Variants in OOSP3 observed in about 807,000 individuals in gnomAD.
OOSP3 encodes oocyte secreted protein family member 3.
chr11:59,895,901 T>C (rs907361562), intron 4 of OOSP3, among the ~76,000 whole-genome samples: 1 of 152,080 alleles, frequency 6.6e-6, no homozygotes, highest in African/African-American at 2.4e-5. Flanking sequence ...TAAAAGAAAA[T>C]CTCTAGTATA....
At chr11:59,882,009 A>G (rs530326397) in intron 2 of OOSP3, among the ~76,000 whole-genome samples, 1 of 152,378 alleles carries the variant, frequency 6.6e-6, no homozygotes, top group South Asian at 2.1e-4. Context: ...CACATCTACA[A>G]AACTTACTTC....
At chr11:59,893,352 G>T (rs911351062) in intron 2 of OOSP3, among the ~76,000 whole-genome samples, 1 of 152,098 alleles carries the variant, frequency 6.6e-6, no homozygotes, top group Non-Finnish European at 1.5e-5. Flanking sequence ...GACCATAACT[G>T]TAGTGGCTTT....
chr11:59,893,920 T>G (rs914251868), intron 2 of OOSP3, among the ~76,000 whole-genome samples, 159 bp from the exon 3 acceptor site: 2 of 152,182 alleles, frequency 1.3e-5, no homozygotes, highest in Admixed American at 1.3e-4. Context: ...TTTTTTAAAA[T>G]TTTTCTGGTG....
intron 2 of OOSP3, among the ~76,000 whole-genome samples, chr11:59,881,084 A>G (rs1052242525): frequency 6.6e-6 from 1 of 152,172 alleles, no homozygotes; most frequent in African/African-American, 2.4e-5. Flanking sequence ...AGTTTTGGCC[A>G]GGCATGGTGG....
At chr11:59,891,524 C>T (rs1247158345) in intron 2 of OOSP3, among the ~76,000 whole-genome samples, 1 of 152,184 alleles carries the variant, frequency 6.6e-6, no homozygotes, top group Non-Finnish European at 1.5e-5. Flanking sequence ...TCAGAACCCG[C>T]TTCTGCAAGC....
intron 2 of OOSP3, among the ~76,000 whole-genome samples, chr11:59,890,370 G>A (rs139707396): frequency 0.02 from 2,970 of 152,178 alleles, 122 homozygotes; most frequent in African/African-American, 0.068. Flanking sequence ...GCTTCATAGT[G>A]TCATTGGTCT....
intron 2 of OOSP3, among the ~76,000 whole-genome samples, chr11:59,890,972 C>A (rs562817573): frequency 6.6e-6 from 1 of 152,248 alleles, no homozygotes; most frequent in East Asian, 1.9e-4. Flanking sequence ...TTGTTTATTT[C>A]TTTTCATTCT....
rs1853347420 is a variant in OOSP3 at position 59,895,499 on chromosome 11, C to T, written c.351-3C>T. On this transcript the variant is annotated splice_polypyrimidine_tract_variant and splice_region_variant and intron_variant, in intron 3 of 4. Coordinates refer to ENST00000646438, the Ensembl canonical transcript of OOSP3. ...CAAATTGTGTCTTCTTTAAAACTTT[C>T]AGCTCATCTTTGGATACCACTTCAA... 2.5e-6 allele frequency: 1 copy of T among 398,142 alleles called. No individual in the cohort carries two copies. The highest frequency in any genetic ancestry group is 2.1e-5 in the African/African-American group (1 of 48,612). The allele number at this position is 398,142 out of a possible 1,614,324, so 24.7% of individuals were successfully genotyped here. A position where few individuals can be genotyped will look rare whatever the true frequency, so the allele number is the denominator to read the frequency against.
chr11:59,884,471 GTCTGTCTCTCTCTCTCTCTC>G (rs1667894007), intron 2 of OOSP3, among the ~76,000 whole-genome samples: 6 of 100,128 alleles, frequency 6.0e-5, no homozygotes, highest in African/African-American at 3.3e-4. Flanking sequence ...CTGTCTGTCT[GTCTGTCTCTCTCTCTCTCTC>G]TCTCTCTCTC....
chr11:59,882,268 T>A (rs1031914599), intron 2 of OOSP3, among the ~76,000 whole-genome samples: 1 of 152,040 alleles, frequency 6.6e-6, no homozygotes, highest in Non-Finnish European at 1.5e-5. Flanking sequence ...TTGAAGATTT[T>A]TTTTTTTCCC....
chr11:59,880,163 A>G (rs1207550591), intron 1 of OOSP3, 98 bp from the exon 2 acceptor site: 3 of 396,644 alleles, frequency 7.6e-6, no homozygotes, highest in South Asian at 1.4e-4. Flanking sequence ...ACAGTGGTGT[A>G]TATACATATG....
At chr11:59,882,053 T>C (rs563716523) in intron 2 of OOSP3, among the ~76,000 whole-genome samples, 56 of 152,322 alleles carry the variant, frequency 3.7e-4, no homozygotes, top group Non-Finnish European at 5.9e-4. Context: ...TTCTTTGGCC[T>C]TTGTGGTTTT....
chr11:59,890,865 A>C (rs1212850621), intron 2 of OOSP3, among the ~76,000 whole-genome samples: 1 of 152,182 alleles, frequency 6.6e-6, no homozygotes, highest in Non-Finnish European at 1.5e-5. Context: ...GATATCCTGA[A>C]GTGTGTTTTC....
intron 3 of OOSP3, among the ~76,000 whole-genome samples, chr11:59,894,975 A>AATTT (rs1349658614): frequency 3.9e-5 from 6 of 152,154 alleles, no homozygotes; most frequent in Admixed American, 3.9e-4. Context: ...CCCCACCCCC[A>AATTT]ATTTTGATAG....
At chr11:59,884,122 G>A (rs941733480) in intron 2 of OOSP3, among the ~76,000 whole-genome samples, 2 of 152,130 alleles carry the variant, frequency 1.3e-5, no homozygotes, top group African/African-American at 4.8e-5. Flanking sequence ...ATAACAGACA[G>A]CAATTTAATT....
chr11:59,892,947 A>G (rs936772599), intron 2 of OOSP3, among the ~76,000 whole-genome samples: 2 of 152,248 alleles, frequency 1.3e-5, no homozygotes, highest in African/African-American at 2.4e-5. Flanking sequence ...GTCTTAAAAA[A>G]GTTGAATTTG....
intron 2 of OOSP3, among the ~76,000 whole-genome samples, chr11:59,890,609 A>G (rs746880934): frequency 2.0e-5 from 3 of 151,984 alleles, no homozygotes; most frequent in African/African-American, 4.8e-5. Flanking sequence ...TTGGCTCCCA[A>G]TCTCTTTTGG....
At chr11:59,884,015 A>T (rs550856579) in intron 2 of OOSP3, among the ~76,000 whole-genome samples, 2 of 152,234 alleles carry the variant, frequency 1.3e-5, no homozygotes, top group Admixed American at 6.5e-5. Flanking sequence ...AAGGTTAAGG[A>T]TTCTGGATTC....
chr11:59,886,627 T>C (rs991471314), intron 2 of OOSP3, among the ~76,000 whole-genome samples: 2 of 152,204 alleles, frequency 1.3e-5, no homozygotes, highest in Non-Finnish European at 2.9e-5. Context: ...CCAGTATCTG[T>C]TGTTTCTTGA....
Sources: gnomAD v4.1 joint callset for allele counts (sites outside exome capture counted in the v4.1 genomes callset) on GRCh38, gnomAD v4.1.1 for gene constraint, MANE v1.5 for transcripts, NCBI Gene and HGNC (gene_info 2026-07-23, HGNC 2026-07-21) for gene names.